The following DENND4A variants were observed in gnomAD, a reference collection of about 807,000 sequenced individuals.
DENND4A encodes DENN domain containing 4A.
DENND4A carries 70 observed loss-of-function variants against 199.3 expected under a neutral mutation model. That is an observed-to-expected ratio of 0.35 (90% CI 0.29 to 0.43). The LOEUF is 0.43. Among genes scored for constraint, DENND4A ranks in the 20% least tolerant of loss-of-function variants. DENND4A has a pLI of 1.00. For missense variants in DENND4A, 1,723 were observed against 2,255.8 expected (o/e 0.76, Z 4.78); for synonymous variants, 686 against 766.9 (o/e 0.89, Z 1.74).
At chr15:65,759,526 CTTGTT>C (rs2076799388) in intron 2 of DENND4A, among the ~76,000 whole-genome samples, 1 of 152,044 alleles carries the variant, frequency 6.6e-6, no homozygotes, top group Non-Finnish European at 1.5e-5. Flanking sequence ...AATGTTTCTA[CTTGTT>C]TTATTTACAT....
At chr15:65,726,235 G>T (rs1185839245) in intron 11 of DENND4A, 1 of 152,130 alleles carries the variant, frequency 6.6e-6, no homozygotes, top group Non-Finnish European at 1.5e-5. Context: ...GGAGATTACA[G>T]GTATGAGTCA....
intron 1 of DENND4A, among the ~76,000 whole-genome samples, chr15:65,770,587 A>G (rs2140876728): frequency 6.6e-6 from 1 of 152,332 alleles, no homozygotes; most frequent in African/African-American, 2.4e-5. Context: ...ATATAACGGC[A>G]ATATTAAAAA....
At chr15:65,738,963 A>C in intron 5 of DENND4A, 88 bp from the exon 6 acceptor site, 1 of 1,036,962 alleles carries the variant, frequency 9.6e-7, no homozygotes, top group Non-Finnish European at 1.4e-6. Context: ...TTGTTATTTC[A>C]CACATTTGGA....
intron 9 of DENND4A, 25 bp downstream of exon 9, chr15:65,731,617 T>C: frequency 6.7e-7 from 1 of 1,488,826 alleles, no homozygotes; most frequent in South Asian, 1.3e-5. Context: ...GAGAGAAAAA[T>C]AAATAGAAAT....
chr15:65,737,707 T>C lies in DENND4A; in HGVS notation c.1040A>G (p.Lys347Arg). 1.9e-6 allele frequency: 3 copies of C among 1,565,892 alleles called. No homozygotes were observed. The highest frequency in any genetic ancestry group is 1.7e-6 in the Non-Finnish European group (2 of 1,154,930). Residue 347 changes from lysine (K) to arginine (R), a missense_variant and splice_region_variant, in exon 7 of 33, where the codon AAG becomes AGG. Lys to Arg is a conservative substitution (Grantham distance 26). Transcript: ENST00000443035. ...ISGPHVLPIE[K>R]HISHFMHKVP... ...GTTGAACCAAGAACACTTAACTTACTTCTCAATTGGAAGGACATGAGGCCC... is the reference window on the plus strand; with the variant it reads ...GTTGAACCAAGAACACTTAACTTACCTCTCAATTGGAAGGACATGAGGCCC...
intron 1 of DENND4A, among the ~76,000 whole-genome samples, chr15:65,769,883 G>A (rs775005657): frequency 4.6e-5 from 7 of 151,456 alleles, no homozygotes; most frequent in Non-Finnish European, 1.0e-4. Context: ...GCTAAACACA[G>A]AAGACCAGAA....
Position 65,717,793 on chromosome 15 carries a change from G to A in DENND4A, c.1792C>T (p.Leu598Phe), listed in dbSNP as rs2075455575. Residue 598 changes from leucine to phenylalanine, a missense_variant, in exon 13 of 33, where the codon CTC becomes TTC. Coordinates refer to ENST00000443035, the MANE Select transcript of DENND4A (RefSeq NM_001320835.1). ...PSETATDAAS[L>F]FALQAFLRSR... is the part of the protein sequence containing the mutation. Reference sequence around the variant, plus strand: ...AGTCACTCACCTTGTAGGGCAAAGAGAGAGGCTGCATCTGTGGCTGTCTCA... The same window carrying A: ...AGTCACTCACCTTGTAGGGCAAAGAAAGAGGCTGCATCTGTGGCTGTCTCA... 1 of 1,603,258 alleles carries A rather than the reference G, an allele frequency of 6.2e-7. No individual in the cohort carries two copies.
chr15:65,676,151 T>TATATATATATATAA (rs2076373099), intron 24 of DENND4A, among the ~76,000 whole-genome samples: 1 of 144,862 alleles, frequency 6.9e-6, no homozygotes, highest in Non-Finnish European at 1.5e-5. Flanking sequence ...AATATATATA[T>TATATATATATATAA]ATATATATAT....
chr15:65,687,199 AT>A (rs2076815339), intron 23 of DENND4A, among the ~76,000 whole-genome samples: 2 of 152,278 alleles, frequency 1.3e-5, no homozygotes, highest in South Asian at 4.1e-4. Context: ...AGGGATTACA[AT>A]ATACATATCT....
chr15:65,663,176 GTATATATA>G (rs376016019), intron 32 of DENND4A, among the ~76,000 whole-genome samples: 33 of 128,676 alleles, frequency 2.6e-4, no homozygotes, highest in African/African-American at 9.8e-4. Context: ...GTGTGTGTGT[GTATATATA>G]TATATATATA....
chr15:65,746,767 T>A, intron 4 of DENND4A, among the ~76,000 whole-genome samples: 1 of 151,510 alleles, frequency 6.6e-6, no homozygotes, highest in Non-Finnish European at 1.5e-5. Context: ...AAAGAGTATT[T>A]AAAAAATACC....
intron 1 of DENND4A, among the ~76,000 whole-genome samples, chr15:65,778,185 C>T (rs570003539): frequency 2.0e-5 from 3 of 152,082 alleles, no homozygotes; most frequent in Non-Finnish European, 4.4e-5. Context: ...TTACAAAGTT[C>T]TGGTGTCCAG....
At chr15:65,775,827 A>C (rs1378688011) in intron 1 of DENND4A, among the ~76,000 whole-genome samples, 1 of 152,084 alleles carries the variant, frequency 6.6e-6, no homozygotes, top group Non-Finnish European at 1.5e-5. Flanking sequence ...GTATGAAAAA[A>C]AGTTTTAGTT....
At chr15:65,696,177 A>C in intron 22 of DENND4A, 189 bp downstream of exon 22, 1 of 569,162 alleles carries the variant, frequency 1.8e-6, no homozygotes, top group East Asian at 4.3e-5. Flanking sequence ...ATGCCTTGCT[A>C]TAATACAAGC....
At chr15:65,709,529 A>G (rs2075166781) in intron 14 of DENND4A, among the ~76,000 whole-genome samples, 1 of 151,408 alleles carries the variant, frequency 6.6e-6, no homozygotes, top group Non-Finnish European at 1.5e-5. Flanking sequence ...AACATGGAGA[A>G]ACTAAAAACA....
At position 65,682,250 on chromosome 15, in the gene DENND4A, T is replaced by C. The variant is rs189571076; in HGVS notation, c.4180-5616A>G. On this transcript the variant is annotated intron_variant, in intron 23 of 32. Coordinates refer to ENST00000443035, the MANE Select transcript of DENND4A (RefSeq NM_001320835.1). ...CCAATACAGGGCTGTTTGATCTGCA[T>C]TGAAAATCTGTTGTTTAGTATAGCC... Among the ~76,000 whole-genome samples, 13 of 152,342 alleles carry C rather than the reference T, an allele frequency of 8.5e-5. 1 individual carries two copies. The East Asian group carries it at 1.2e-3, about 14-fold the overall frequency.
intron 1 of DENND4A, among the ~76,000 whole-genome samples, chr15:65,779,092 CAT>C (rs1261255507): frequency 2.0e-5 from 3 of 151,774 alleles, no homozygotes; most frequent in African/African-American, 4.8e-5. Flanking sequence ...GGCGAGACCA[CAT>C]GTCTAGAATA....
intron 4 of DENND4A, 96 bp from the exon 5 acceptor site, chr15:65,741,880 T>C (rs2076270898): frequency 1.2e-6 from 1 of 846,136 alleles, no homozygotes; most frequent in East Asian, 2.9e-5. Context: ...TATTATCTAA[T>C]ATGTAGTAAC....
chr15:65,728,927 T>G (rs1346154860), intron 11 of DENND4A, 145 bp downstream of exon 11: 2 of 808,182 alleles, frequency 2.5e-6, no homozygotes, highest in African/African-American at 3.4e-5. Context: ...TAATAAGGTC[T>G]GATTCAAAGA....
Sources: allele counts gnomAD v4.1 joint callset (sites outside exome capture counted in the v4.1 genomes callset), GRCh38; gene constraint gnomAD v4.1.1; transcripts MANE v1.5; gene names NCBI Gene and HGNC (gene_info 2026-07-23, HGNC 2026-07-21).